VWA5B1: variants seen among roughly 807,000 people sequenced by gnomAD.
VWA5B1 encodes the protein von Willebrand factor A domain containing 5B1.
Under a neutral mutation model 118.2 loss-of-function variants are expected in VWA5B1, and 115 were observed. That is an observed-to-expected ratio of 0.97 (90% CI 0.84 to 1.14). The LOEUF (loss-of-function observed/expected upper bound fraction) is 1.14. Ranked by LOEUF, VWA5B1 falls within the 50% of genes most tolerant of loss-of-function variation. The pLI, the probability that VWA5B1 is intolerant of heterozygous loss-of-function variation, is 0.00. For synonymous variants in VWA5B1, 682 were observed against 658.4 expected (o/e 1.04, Z -0.55); for missense variants, 1,596 against 1,603.8 (o/e 1.00, Z 0.08).
At chr1:20,300,858 A>G (rs1165400303) in intron 1 of VWA5B1, among the ~76,000 whole-genome samples, 2 of 152,210 alleles carry the variant, frequency 1.3e-5, no homozygotes, top group Non-Finnish European at 2.9e-5. Context: ...ACGCCCCACC[A>G]GCTGTGCTCC....
intron 14 of VWA5B1, among the ~76,000 whole-genome samples, chr1:20,341,726 C>G (rs1409242460): frequency 6.6e-6 from 1 of 152,148 alleles, no homozygotes; most frequent in Non-Finnish European, 1.5e-5. Context: ...TTATCCCTTG[C>G]CTTTTGATGT....
intron 21 of VWA5B1, among the ~76,000 whole-genome samples, chr1:20,353,449 G>A (rs2090168797): frequency 1.3e-5 from 2 of 152,186 alleles, no homozygotes; most frequent in South Asian, 2.1e-4. Flanking sequence ...TGGTTACACA[G>A]GGAGAAAGAG....
chr1:20,335,859 C>T (rs897941674), intron 12 of VWA5B1, among the ~76,000 whole-genome samples: 8 of 152,000 alleles, frequency 5.3e-5, no homozygotes, highest in Admixed American at 2.6e-4. Flanking sequence ...GAAGGAGAGG[C>T]AAGAGAAGCC....
intron 20 of VWA5B1, 27 bp from the exon 21 acceptor site, chr1:20,352,028 C>CA (rs2090140046): frequency 6.5e-7 from 1 of 1,541,458 alleles, no homozygotes; most frequent in Non-Finnish European, 8.8e-7. Flanking sequence ...TTGGGATGCC[C>CA]AGGGCCACCT....
At chr1:20,309,219 G>A (rs902576264) in intron 1 of VWA5B1, among the ~76,000 whole-genome samples, 2 of 152,222 alleles carry the variant, frequency 1.3e-5, no homozygotes, top group Non-Finnish European at 2.9e-5. Context: ...AGCCAAAGTC[G>A]ATGTGGCCCA....
chr1:20,291,731 G>C (rs993596886), intron 1 of VWA5B1, among the ~76,000 whole-genome samples: 1 of 152,120 alleles, frequency 6.6e-6, no homozygotes, highest in African/African-American at 2.4e-5. Flanking sequence ...AGAGCCACCG[G>C]CCAAGGGCAC....
intron 7 of VWA5B1, among the ~76,000 whole-genome samples, chr1:20,320,371 G>A (rs980237848): frequency 6.6e-6 from 1 of 152,252 alleles, no homozygotes; most frequent in East Asian, 1.9e-4. Context: ...CAGGGCAGTG[G>A]CAAGGTGGGG....
chr1:20,335,823 A>G (rs1298201211), intron 12 of VWA5B1, among the ~76,000 whole-genome samples: 2 of 152,174 alleles, frequency 1.3e-5, no homozygotes, highest in Non-Finnish European at 2.9e-5. Flanking sequence ...CTCAGAGGTG[A>G]TAGAAGGGAA....
At chr1:20,323,228 G>C (rs1229593277) in intron 7 of VWA5B1, 128 bp from the exon 8 acceptor site, 4 of 886,188 alleles carry the variant, frequency 4.5e-6, no homozygotes, top group Non-Finnish European at 6.1e-6. Context: ...AGCACAGTCA[G>C]CCCGGAAGTC....
chr1:20,323,664 C>T (rs2089291654), intron 8 of VWA5B1, 132 bp downstream of exon 8: 3 of 981,118 alleles, frequency 3.1e-6, no homozygotes, highest in Non-Finnish European at 2.7e-6. Flanking sequence ...ACAGAGATAC[C>T]CAAACTCCAT....
At chr1:20,296,558 A>G (rs1381833213) in intron 1 of VWA5B1, among the ~76,000 whole-genome samples, 2 of 152,206 alleles carry the variant, frequency 1.3e-5, no homozygotes, top group Non-Finnish European at 2.9e-5. Flanking sequence ...GTGAAATATG[A>G]CCTTTTTAAA....
At chr1:20,321,112 G>GAAAAAAA (rs2089197396) in intron 7 of VWA5B1, among the ~76,000 whole-genome samples, 1 of 36,508 alleles carries the variant, frequency 2.7e-5, no homozygotes, top group African/African-American at 1.3e-4. Flanking sequence ...AGTAACAGAG[G>GAAAAAAA]CAAAAAAAAA....
chr1:20,328,847 TGTCA>T (rs2089463691), intron 9 of VWA5B1, among the ~76,000 whole-genome samples: 1 of 152,332 alleles, frequency 6.6e-6, no homozygotes, highest in South Asian at 2.1e-4. Context: ...CCTGTGATTA[TGTCA>T]GTCAGGATAA....
Position 20,328,009 on chromosome 1 carries a change from G to A in VWA5B1, c.1254+9G>A. On this transcript the variant is annotated intron_variant, in intron 9 of 21. Coordinates refer to ENST00000289815, the MANE Select transcript of VWA5B1 (RefSeq NM_001039500.3). ...GCCAGACCTACAGTGAGGTAATGAGGGGGCAAGGCTGGGACCAGGAGGGTG... is the reference window on the plus strand; with the variant it reads ...GCCAGACCTACAGTGAGGTAATGAGAGGGCAAGGCTGGGACCAGGAGGGTG... 6.4e-7 allele frequency: 1 copy of A among 1,550,648 alleles called. No individual in the cohort carries two copies. The highest frequency in any genetic ancestry group is 1.2e-5 in the South Asian group (1 of 84,030).
intron 12 of VWA5B1, among the ~76,000 whole-genome samples, 180 bp downstream of exon 12, chr1:20,333,131 C>G (rs2089620359): frequency 6.6e-6 from 1 of 152,214 alleles, no homozygotes; most frequent in African/African-American, 2.4e-5. Flanking sequence ...CATTCAATCA[C>G]AGTGGCATGG....
intron 12 of VWA5B1, 141 bp downstream of exon 12, chr1:20,333,092 T>G: frequency 9.1e-7 from 1 of 1,100,062 alleles, no homozygotes; most frequent in East Asian, 2.6e-5. Flanking sequence ...GTTTTCCCAG[T>G]TGTGGGTTTA....
intron 7 of VWA5B1, 88 bp downstream of exon 7, chr1:20,319,594 G>A (rs2089142763): frequency 1.2e-5 from 18 of 1,513,252 alleles, no homozygotes; most frequent in Non-Finnish European, 1.4e-5. Context: ...AGGTGGGGAG[G>A]TAACCTGCCC....
intron 4 of VWA5B1, among the ~76,000 whole-genome samples, chr1:20,315,952 G>A (rs150648849): frequency 6.6e-6 from 1 of 152,330 alleles, no homozygotes; most frequent in African/African-American, 2.4e-5. Flanking sequence ...GGACCTCAGT[G>A]GATCAGGGAA....
At position 20,355,129 on chromosome 1, in the gene VWA5B1, C is replaced by T. The variant is rs546385606; in HGVS notation, c.*866C>T. Among the ~76,000 whole-genome samples, 9 of 152,192 alleles carry T rather than the reference C, an allele frequency of 5.9e-5. No individual in the cohort carries two copies. The highest frequency in any genetic ancestry group is 1.9e-4 in the East Asian group (1 of 5,196). On this transcript the variant is annotated 3_prime_UTR_variant, in exon 22 of 22. Coordinates refer to ENST00000289815, the MANE Select transcript of VWA5B1 (RefSeq NM_001039500.3). ...TCCCACTTTTAGGAATTGGGTAAAG[C>T]GAACTGCATCACTTGTACTGAGGCA...
Sources: allele counts gnomAD v4.1 joint callset (sites outside exome capture counted in the v4.1 genomes callset), GRCh38; gene constraint gnomAD v4.1.1; transcripts MANE v1.5; gene names NCBI Gene and HGNC (gene_info 2026-07-23, HGNC 2026-07-21).